The following SLC25A26 variants were observed in gnomAD, a reference collection of about 807,000 sequenced individuals.
SLC25A26 encodes solute carrier family 25 member 26.
A neutral mutation model predicts 37.8 loss-of-function variants in SLC25A26; 36 were observed. The ratio of observed to expected loss-of-function variants is 0.95; its 90% CI spans 0.73 to 1.26. The LOEUF (loss-of-function observed/expected upper bound fraction) is 1.26, where lower values mean the gene tolerates loss of function less well. Among genes scored for constraint, SLC25A26 ranks in the 50% most tolerant of loss-of-function variants. The pLI, the probability that SLC25A26 is intolerant of heterozygous loss-of-function variation, is 0.00. For missense variants in SLC25A26, 390 were observed against 331.1 expected (o/e 1.18, Z -1.38); for synonymous variants, 129 against 122.5 (o/e 1.05, Z -0.35).
At chr3:66,191,356 C>T (rs1226457236) in intron 1 of SLC25A26, among the ~76,000 whole-genome samples, 1 of 152,182 alleles carries the variant, frequency 6.6e-6, no homozygotes, top group African/African-American at 2.4e-5. Flanking sequence ...GACTGTGCCA[C>T]TGCACTCCAG....
chr3:66,328,559 A>G (rs1353138686), intron 5 of SLC25A26, among the ~76,000 whole-genome samples: 1 of 152,146 alleles, frequency 6.6e-6, no homozygotes, highest in Non-Finnish European at 1.5e-5. Flanking sequence ...TCTGTTTCCT[A>G]TTTAACAGTA....
At chr3:66,299,308 T>C (rs138430761) in intron 5 of SLC25A26, among the ~76,000 whole-genome samples, 1,749 of 152,246 alleles carry the variant, frequency 0.011, 40 homozygotes, top group African/African-American at 0.04. Context: ...TTCTCATGTC[T>C]CAGCCTCCCG....
In SLC25A26 at chr3:66,370,526, C is replaced by A. The variant is rs781082251; in HGVS notation, c.634-3C>A. On this transcript the variant is annotated splice_region_variant and splice_polypyrimidine_tract_variant and intron_variant, in intron 8 of 9. Transcript: ENST00000354883. ...ACGGGTTTCTCTTTGTCTGTTCACA[C>A]AGGCTGGCTCCAGCACTGCTGATGG... 47 of 1,613,320 alleles carry A rather than the reference C, an allele frequency of 2.9e-5. No individual in the cohort carries two copies. The highest frequency in any genetic ancestry group is 1.6e-4 in the Middle Eastern group (1 of 6,084).
chr3:66,335,058 T>A (rs1345188092), intron 5 of SLC25A26, among the ~76,000 whole-genome samples: 1 of 152,160 alleles, frequency 6.6e-6, no homozygotes, highest in African/African-American at 2.4e-5. Context: ...TGTGGTAGAG[T>A]GTTTACAAGT....
At chr3:66,261,968 T>C (rs1322743422) in intron 3 of SLC25A26, 83 bp from the exon 4 acceptor site, 2 of 758,400 alleles carry the variant, frequency 2.6e-6, no homozygotes, top group Non-Finnish European at 4.5e-6. Context: ...TATACCTTTT[T>C]ACTACAATTT....
At chr3:66,363,762 T>G (rs541156853) in intron 7 of SLC25A26, among the ~76,000 whole-genome samples, 1 of 152,340 alleles carries the variant, frequency 6.6e-6, no homozygotes, top group African/African-American at 2.4e-5. Context: ...TGTTTAATGG[T>G]CATTTTTGTT....
chr3:66,148,911 G>A (rs2070158707), intron 1 of SLC25A26, among the ~76,000 whole-genome samples: 1 of 152,152 alleles, frequency 6.6e-6, no homozygotes, highest in Admixed American at 6.5e-5. Context: ...AGGAGCATTA[G>A]GGTTTGAATG....
intron 1 of SLC25A26, among the ~76,000 whole-genome samples, chr3:66,136,448 G>A (rs1286591529): frequency 6.6e-6 from 1 of 152,080 alleles, no homozygotes; most frequent in Non-Finnish European, 1.5e-5. Flanking sequence ...AGAAAAACAG[G>A]GTGAGCATGT....
intron 6 of SLC25A26, among the ~76,000 whole-genome samples, chr3:66,362,110 C>T (rs1345314876): frequency 1.3e-5 from 2 of 152,110 alleles, no homozygotes; most frequent in South Asian, 2.1e-4. Flanking sequence ...ATGGTACAAT[C>T]GCTTTGGAAA....
At position 66,357,820 on chromosome 3, in the gene SLC25A26, T is replaced by C. The variant is rs561629740; in HGVS notation, c.499-5040T>C. 3.3e-5 allele frequency among the ~76,000 whole-genome samples: 5 copies of C among 152,332 alleles called. 1 individual carries two copies. In the East Asian group the frequency reaches 9.6e-4, roughly 29 times the overall value. On this transcript the variant is annotated intron_variant, in intron 6 of 9. Coordinates refer to ENST00000354883, the MANE Select transcript of SLC25A26 (RefSeq NM_001379210.1). ...GATGTAGTTCGACTAGAAGTTGAGCTGTATATGATAGTGAGGAAACAGACT... is the reference window on the plus strand; with the variant it reads ...GATGTAGTTCGACTAGAAGTTGAGCCGTATATGATAGTGAGGAAACAGACT...
intron 5 of SLC25A26, among the ~76,000 whole-genome samples, chr3:66,320,183 G>T (rs1034154093): frequency 6.6e-6 from 1 of 151,980 alleles, no homozygotes; most frequent in African/African-American, 2.4e-5. Context: ...ATTCAGTGTT[G>T]TGCAACCATG....
intron 5 of SLC25A26, among the ~76,000 whole-genome samples, chr3:66,333,648 T>C (rs1041293201): frequency 6.6e-6 from 1 of 152,156 alleles, no homozygotes; most frequent in Non-Finnish European, 1.5e-5. Context: ...GGTCAGCTTA[T>C]TAGGACCCAG....
intron 3 of SLC25A26, among the ~76,000 whole-genome samples, chr3:66,244,070 A>G (rs1309668688): frequency 6.6e-6 from 1 of 152,188 alleles, no homozygotes; most frequent in Non-Finnish European, 1.5e-5. Flanking sequence ...TGGAGAAGCA[A>G]CAGCCCTATA....
In SLC25A26 at chr3:66,377,794, G is replaced by A. The variant is rs779346432; in HGVS notation, c.812G>A (p.Arg271Lys). ...CACAGCTTGCTGTTGGAAGTTGGCAGAAAGAGTCCTTGAAGCAGAGACAAG... is the reference window on the plus strand; with the variant it reads ...CACAGCTTGCTGTTGGAAGTTGGCAAAAAGAGTCCTTGAAGCAGAGACAAG... ...RTHSLLLEVG[R>K]KSP The change falls in exon 10 of 10, where the codon AGA becomes AAA. Residue 271 changes from arginine to lysine, a missense_variant. Physicochemically the swap from Arg to Lys is conservative, Grantham distance 26. Coordinates refer to ENST00000354883, the MANE Select transcript of SLC25A26 (RefSeq NM_001379210.1). 1 of 1,613,584 alleles carries A rather than the reference G, an allele frequency of 6.2e-7. No homozygotes were observed. Among genetic ancestry groups the A allele is most frequent in the South Asian group, 1.1e-5 (1 of 91,062 alleles).
intron 5 of SLC25A26, among the ~76,000 whole-genome samples, chr3:66,346,140 C>G (rs994230760): frequency 3.9e-5 from 6 of 152,294 alleles, no homozygotes; most frequent in Non-Finnish European, 8.8e-5. Flanking sequence ...GGGTGGTGAT[C>G]TGTCAGCCTG....
chr3:66,328,393 C>T (rs1479681396), intron 5 of SLC25A26, among the ~76,000 whole-genome samples: 1 of 152,174 alleles, frequency 6.6e-6, no homozygotes, highest in East Asian at 1.9e-4. Context: ...TAGTCATAAA[C>T]TCAGAACATG....
At chr3:66,371,073 C>A (rs1700321328) in intron 9 of SLC25A26, 4 of 1,345,466 alleles carry the variant, frequency 3.0e-6, no homozygotes. Context: ...AGAAGTGCCT[C>A]AGACTTCTAG....
At chr3:66,353,609 A>G (rs1017211472) in intron 6 of SLC25A26, among the ~76,000 whole-genome samples, 7 of 152,236 alleles carry the variant, frequency 4.6e-5, no homozygotes, top group Non-Finnish European at 8.8e-5. Flanking sequence ...CAGCTCATTG[A>G]AGGCATTTCT....
Position 66,295,680 on chromosome 3 carries a change from A to G in SLC25A26, c.453+32301A>G, listed in dbSNP as rs534801927. 1.3e-4 allele frequency among the ~76,000 whole-genome samples: 20 copies of G among 151,720 alleles called. No individual in the cohort carries two copies. The South Asian group carries it at 4.2e-3, about 32-fold the overall frequency. On this transcript the variant is annotated intron_variant, in intron 5 of 9. Transcript: ENST00000354883. ...CCTCCCGAAGATTTTTTGTATTTTT[A>G]ATAGAGACGAGGTTTCACCATGCTG... is the stretch of plus-strand genomic sequence containing the variant.
Sources: allele counts gnomAD v4.1 joint callset (sites outside exome capture counted in the v4.1 genomes callset), GRCh38; gene constraint gnomAD v4.1.1; transcripts MANE v1.5; gene names NCBI Gene and HGNC (gene_info 2026-07-23, HGNC 2026-07-21).